TEAD1: variants seen among roughly 807,000 people sequenced by gnomAD.
TEAD1 encodes the protein TEA domain transcription factor 1.
Under a neutral mutation model 54.9 loss-of-function variants are expected in TEAD1, and 9 were observed. The ratio of observed to expected loss-of-function variants is 0.16; its 90% CI spans 0.10 to 0.29. The LOEUF (loss-of-function observed/expected upper bound fraction) is 0.29. TEAD1 is among the 10% of genes least tolerant of loss of function. The pLI is 1.00. For missense variants in TEAD1, 387 were observed against 535.9 expected, an observed-to-expected ratio of 0.72 and a Z score of 2.74; for synonymous variants, 200 against 187.8, an observed-to-expected ratio of 1.07 and a Z score of -0.53.
chr11:12,682,526 A>G (rs114929909), intron 2 of TEAD1, among the ~76,000 whole-genome samples: 155 of 152,292 alleles, frequency 1.0e-3, no homozygotes, highest in African/African-American at 3.6e-3. Context: ...GTGTTGGGAA[A>G]TGAGGGGTAG....
chr11:12,901,867 C>T, intron 9 of TEAD1, 73 bp from the exon 10 acceptor site: 1 of 1,591,448 alleles, frequency 6.3e-7, no homozygotes, highest in Non-Finnish European at 8.6e-7. Flanking sequence ...TGCTCTTTAT[C>T]CAGTTCAAGA....
chr11:12,685,433 G>T (rs1429739599), intron 2 of TEAD1, among the ~76,000 whole-genome samples: 1 of 152,128 alleles, frequency 6.6e-6, no homozygotes, highest in Non-Finnish European at 1.5e-5. Flanking sequence ...ATCTCATAAA[G>T]AAATAAAACC....
intron 3 of TEAD1, among the ~76,000 whole-genome samples, chr11:12,837,522 A>G (rs950155063): frequency 6.6e-6 from 1 of 152,106 alleles, no homozygotes; most frequent in Non-Finnish European, 1.5e-5. Context: ...TGCAGCCTGG[A>G]AGCCCAAGAG....
At chr11:12,782,713 A>G (rs1400244276) in intron 3 of TEAD1, among the ~76,000 whole-genome samples, 1 of 152,236 alleles carries the variant, frequency 6.6e-6, no homozygotes, top group Non-Finnish European at 1.5e-5. Flanking sequence ...GTTAGCTACC[A>G]ATGTAATAGT....
At chr11:12,695,811 G>A (rs573660357) in intron 2 of TEAD1, among the ~76,000 whole-genome samples, 24 of 152,188 alleles carry the variant, frequency 1.6e-4, no homozygotes, top group Non-Finnish European at 2.8e-4. Flanking sequence ...TGCCCCAGAA[G>A]GCTTGAGTTC....
rs1326240765 is a variant in TEAD1 at position 12,776,786 on chromosome 11, TATTATTATTATTATC to T, written c.202+12365_202+12379del. On this transcript the variant is annotated intron_variant, in intron 3 of 12. Coordinates refer to ENST00000527636, the MANE Select transcript of TEAD1 (RefSeq NM_021961.6). ...TTATTATTATTATTATTATTATTAT[TATTATTATTATTATC>T]ATTATTATTATTTTTGAGATGGAGT... Among the ~76,000 whole-genome samples the T allele has an allele frequency of 2.5e-3, 306 of 124,556 alleles. 1 individual carries two copies. The highest frequency in any genetic ancestry group is 0.015 in the African/African-American group (295 of 19,106). 81.7% of individuals were successfully genotyped at this position (124,556 alleles called of 152,430 possible). A position where few individuals can be genotyped will look rare whatever the true frequency, so the allele number is the denominator to read the frequency against.
intron 3 of TEAD1, among the ~76,000 whole-genome samples, chr11:12,837,616 G>A (rs539410401): frequency 5.3e-5 from 8 of 151,940 alleles, no homozygotes; most frequent in African/African-American, 9.7e-5. Context: ...GTCCTCACAC[G>A]GCCTTTCCTT....
At chr11:12,845,623 C>T (rs1947130288) in intron 3 of TEAD1, among the ~76,000 whole-genome samples, 1 of 152,196 alleles carries the variant, frequency 6.6e-6, no homozygotes, top group African/African-American at 2.4e-5. Flanking sequence ...AACTTGAGCA[C>T]TTGCACCTGG....
intron 3 of TEAD1, among the ~76,000 whole-genome samples, chr11:12,844,852 G>C (rs780431497): frequency 4.6e-5 from 7 of 152,060 alleles, no homozygotes; most frequent in Middle Eastern, 3.2e-3. Context: ...GTGAGCAAAG[G>C]GGGTAAGGAC....
chr11:12,691,867 TTCAA>T (rs1342905808), intron 2 of TEAD1, among the ~76,000 whole-genome samples: 3 of 152,228 alleles, frequency 2.0e-5, no homozygotes, highest in Non-Finnish European at 4.4e-5. Context: ...ACTCATCTGT[TTCAA>T]TAAATATTGA....
chr11:12,869,922 C>T (rs777981774), intron 5 of TEAD1, among the ~76,000 whole-genome samples: 6 of 152,012 alleles, frequency 3.9e-5, no homozygotes, highest in East Asian at 1.9e-4. Flanking sequence ...CTTTGTCGCC[C>T]GGGCGGGAGT....
chr11:12,886,175 T>C (rs1948083087), intron 9 of TEAD1, among the ~76,000 whole-genome samples: 1 of 152,214 alleles, frequency 6.6e-6, no homozygotes, highest in South Asian at 2.1e-4. Flanking sequence ...GGCAGTATAT[T>C]AAATCAGTGA....
intron 5 of TEAD1, 158 bp downstream of exon 5, chr11:12,865,058 G>A (rs1947588374): frequency 1.2e-6 from 1 of 836,602 alleles, no homozygotes; most frequent in East Asian, 2.6e-5. Flanking sequence ...CTCTGTTTCT[G>A]TACTAGCCTC....
rs531435617 is a variant in TEAD1 at position 12,880,887 on chromosome 11, C to T, written c.466-118C>T. On this transcript the variant is annotated intron_variant, in intron 6 of 12. Coordinates refer to ENST00000527636, the MANE Select transcript of TEAD1 (RefSeq NM_021961.6). ...TGACCGCATTTGCACTCTGGGAAAG[C>T]GATTCTGTTGGGTGATCGAACCTGC... 1.8e-4 allele frequency: 215 copies of T among 1,168,438 alleles called. 3 individuals are homozygous for T. The South Asian group carries it at 2.1e-3, about 11-fold the overall frequency. 72.4% of individuals were successfully genotyped at this position (1,168,438 alleles called of 1,614,324 possible). A position where few individuals can be genotyped will look rare whatever the true frequency, so the allele number is the denominator to read the frequency against.
chr11:12,798,125 A>G (rs1412628867), intron 3 of TEAD1, among the ~76,000 whole-genome samples: 1 of 151,954 alleles, frequency 6.6e-6, no homozygotes, highest in African/African-American at 2.4e-5. Context: ...CAGCTACACT[A>G]TTGTTTTTAC....
At chr11:12,769,476 G>A (rs1022933129) in intron 3 of TEAD1, among the ~76,000 whole-genome samples, 5 of 152,148 alleles carry the variant, frequency 3.3e-5, no homozygotes, top group African/African-American at 9.7e-5. Context: ...ACCTGTGGTC[G>A]CTACACTCCT....
At chr11:12,764,080 T>C in intron 2 of TEAD1, 99 bp from the exon 3 acceptor site, 1 of 740,920 alleles carries the variant, frequency 1.3e-6, no homozygotes, top group Non-Finnish European at 2.1e-6. Context: ...TAAAATGAAA[T>C]GAAAAAAGCT....
intron 3 of TEAD1, among the ~76,000 whole-genome samples, chr11:12,840,273 A>AAAAAAAAAG (rs1947004675): frequency 7.5e-6 from 1 of 133,870 alleles, no homozygotes; most frequent in Non-Finnish European, 1.6e-5. Flanking sequence ...GAAAAAAAAA[A>AAAAAAAAAG]GACCAGAAAC....
intron 2 of TEAD1, among the ~76,000 whole-genome samples, chr11:12,678,298 C>G (rs1185225004): frequency 6.6e-6 from 1 of 152,210 alleles, no homozygotes; most frequent in Non-Finnish European, 1.5e-5. Context: ...TAATGTCCAA[C>G]TTTTGGACTC....
Sources: gnomAD v4.1 joint callset for allele counts (sites outside exome capture counted in the v4.1 genomes callset) on GRCh38, gnomAD v4.1.1 for gene constraint, MANE v1.5 for transcripts, NCBI Gene and HGNC (gene_info 2026-07-23, HGNC 2026-07-21) for gene names.